The following SMURF1 variants were observed in gnomAD, a reference collection of about 807,000 sequenced individuals.
SMURF1 encodes SMAD specific E3 ubiquitin protein ligase 1, also known as E3 ubiquitin-protein ligase SMURF1.
A neutral mutation model predicts 98.0 loss-of-function variants in SMURF1; 44 were observed. The observed-to-expected ratio is 0.45, with a 90% CI of 0.35 to 0.58. The LOEUF (loss-of-function observed/expected upper bound fraction) is 0.58, where lower values mean the gene tolerates loss of function less well. SMURF1 is among the 20% of genes least tolerant of loss of function. SMURF1 has a pLI of 0.00. For missense variants in SMURF1, 687 were observed against 938.4 expected (o/e 0.73, Z 3.50); for synonymous variants, 396 against 374.9 (o/e 1.06, Z -0.65).
intron 12 of SMURF1, 82 bp downstream of exon 12, chr7:99,042,036 C>T (rs1253901867): frequency 1.8e-6 from 2 of 1,130,620 alleles, no homozygotes; most frequent in Admixed American, 3.7e-5. Flanking sequence ...AACAAATAGA[C>T]CAAGGACTGA....
chr7:99,131,680 G>A (rs1010287760), intron 1 of SMURF1, among the ~76,000 whole-genome samples: 1 of 152,142 alleles, frequency 6.6e-6, no homozygotes, highest in Non-Finnish European at 1.5e-5. Flanking sequence ...CTGTGCCATT[G>A]TACTCCAGCC....
chr7:99,137,382 C>T (rs1174217659), intron 1 of SMURF1, among the ~76,000 whole-genome samples: 1 of 152,220 alleles, frequency 6.6e-6, no homozygotes, highest in African/African-American at 2.4e-5. Flanking sequence ...CCTCCCCTTT[C>T]TTCATTGTGG....
At chr7:99,095,720 T>G (rs1161114942) in intron 1 of SMURF1, among the ~76,000 whole-genome samples, 1 of 152,222 alleles carries the variant, frequency 6.6e-6, no homozygotes, top group Non-Finnish European at 1.5e-5. Flanking sequence ...TATGTTTTCT[T>G]AAAGATCTCA....
At chr7:99,047,933 C>T in intron 9 of SMURF1, 51 bp from the exon 10 acceptor site, 2 of 1,567,486 alleles carry the variant, frequency 1.3e-6, no homozygotes, top group Non-Finnish European at 1.7e-6. Context: ...GCCAGGGGAG[C>T]TGCAAGCACC....
intron 1 of SMURF1, among the ~76,000 whole-genome samples, chr7:99,086,691 C>T (rs757805474): frequency 2.0e-5 from 3 of 152,158 alleles, no homozygotes; most frequent in Non-Finnish European, 4.4e-5. Flanking sequence ...AATGGATAAA[C>T]AAACCGCAGC....
At chr7:99,049,916 A>G in intron 8 of SMURF1, 1 of 469,526 alleles carries the variant, frequency 2.1e-6, no homozygotes, top group South Asian at 5.0e-5. Context: ...CGAGAGATTT[A>G]AAACCAAACT....
chr7:99,096,967 T>C (rs1796968436), intron 1 of SMURF1, among the ~76,000 whole-genome samples: 2 of 151,838 alleles, frequency 1.3e-5, no homozygotes, highest in Admixed American at 6.6e-5. Context: ...TAGAAAGCAA[T>C]GTGAAAAAAT....
At chr7:99,047,662 G>GCAGT (rs1412599860) in intron 10 of SMURF1, 22 bp downstream of exon 10, 4 of 1,612,638 alleles carry the variant, frequency 2.5e-6, no homozygotes, top group Non-Finnish European at 3.4e-6. Context: ...CAGGGTCTGG[G>GCAGT]CAGTGGCCCT....
At chr7:99,140,152 T>C (rs1017610714) in intron 1 of SMURF1, among the ~76,000 whole-genome samples, 5 of 152,190 alleles carry the variant, frequency 3.3e-5, no homozygotes, top group Non-Finnish European at 7.4e-5. Flanking sequence ...TTAAATAACT[T>C]GTTCCGTAAC....
At chr7:99,068,167 G>A (rs974016149) in intron 1 of SMURF1, among the ~76,000 whole-genome samples, 1 of 152,110 alleles carries the variant, frequency 6.6e-6, no homozygotes, top group African/African-American at 2.4e-5. Context: ...TCTTCTGAAT[G>A]TCTCTTGAAT....
intron 1 of SMURF1, among the ~76,000 whole-genome samples, chr7:99,110,775 A>T (rs1406677209): frequency 6.6e-6 from 1 of 152,232 alleles, no homozygotes; most frequent in Non-Finnish European, 1.5e-5. Flanking sequence ...GCATGGGGCT[A>T]CTTAGCACAT....
intron 16 of SMURF1, among the ~76,000 whole-genome samples, chr7:99,034,050 G>C (rs1266220070): frequency 1.3e-5 from 2 of 152,224 alleles, no homozygotes; most frequent in Non-Finnish European, 2.9e-5. Flanking sequence ...TCTTTATGTT[G>C]GGCAGAGGGT....
At chr7:99,043,033 A>C (rs1795446143) in intron 11 of SMURF1, among the ~76,000 whole-genome samples, 1 of 152,258 alleles carries the variant, frequency 6.6e-6, no homozygotes, top group Admixed American at 6.5e-5. Context: ...CTACAAAGGC[A>C]ACATTGCTGA....
intron 1 of SMURF1, among the ~76,000 whole-genome samples, chr7:99,119,003 A>ATTTTT (rs67705340): frequency 2.1e-4 from 9 of 42,930 alleles, no homozygotes; most frequent in African/African-American, 8.7e-4. Flanking sequence ...TAACATGCCA[A>ATTTTT]TTTTTTTTTT....
intron 11 of SMURF1, among the ~76,000 whole-genome samples, chr7:99,045,022 C>CACACACCT (rs1795526074): frequency 2.0e-5 from 3 of 151,986 alleles, no homozygotes; most frequent in African/African-American, 4.8e-5. Context: ...ACCTGTAGTT[C>CACACACCT]CAGCTACTTG....
chr7:99,116,457 T>C (rs983642953), intron 1 of SMURF1, among the ~76,000 whole-genome samples: 1 of 152,126 alleles, frequency 6.6e-6, no homozygotes. Context: ...ATCTTATATA[T>C]AGAAAACCCT....
chr7:99,057,247 G>T lies in SMURF1; in HGVS notation c.361C>A (p.Leu121Ile). ...TGYQRLDLCKLNPSDTDAVRG... is the reference protein window; with the variant it reads ...TGYQRLDLCKINPSDTDAVRG... ...ACTGCATCAGTATCTGAGGGGTTTA[G>T]TTTGCATAGATCCAAACGCTGGTCT... The change falls in exon 5 of 18, where the codon CTA (leucine) becomes ATA (isoleucine). Residue 121 changes from leucine to isoleucine, a missense_variant. Around this residue, in one of 2 missense-constraint regions of SMURF1, gnomAD observed 415 missense variants for 508.4 expected, o/e 0.82. Coordinates refer to ENST00000361368, the MANE Select transcript of SMURF1 (RefSeq NM_181349.3). 1 of 1,614,086 alleles carries T rather than the reference G, an allele frequency of 6.2e-7. No individual in the cohort carries two copies. The highest frequency in any genetic ancestry group is 1.1e-5 in the South Asian group (1 of 91,070).
rs539383781 is a variant in SMURF1 at position 99,034,547 on chromosome 7, G to A, written c.2011+968C>T. Among the ~76,000 whole-genome samples the A allele has an allele frequency of 5.8e-4, 88 of 151,920 alleles. 1 individual carries two copies. The highest frequency in any genetic ancestry group is 2.0e-3 in the African/African-American group (84 of 41,412). On this transcript the variant is annotated intron_variant, in intron 16 of 17. Transcript: ENST00000361368. ...AAATCCCATGACCTCAGTGAGTCTC[G>A]GCTTCCTCATCCATGGAATGGGGCT...
chr7:99,095,360 G>T (rs192622708), intron 1 of SMURF1, among the ~76,000 whole-genome samples: 2 of 152,276 alleles, frequency 1.3e-5, no homozygotes, highest in African/African-American at 4.8e-5. Flanking sequence ...GATTACAGGC[G>T]TGAGCCACCG....
Sources: allele counts gnomAD v4.1 joint callset (sites outside exome capture counted in the v4.1 genomes callset), GRCh38; gene constraint gnomAD v4.1.1; regional missense constraint gnomAD v4.1.1; transcripts MANE v1.5; gene names NCBI Gene and HGNC (gene_info 2026-07-23, HGNC 2026-07-21).